The following CFAP20DC variants were observed in gnomAD, a reference collection of about 807,000 sequenced individuals.
The protein encoded by CFAP20DC is protein CFAP20DC.
A neutral mutation model predicts 101.7 loss-of-function variants in CFAP20DC; 84 were observed. The ratio of observed to expected loss-of-function variants is 0.83; its 90% confidence interval spans 0.69 to 0.99. CFAP20DC has a LOEUF of 0.99. Ranked by LOEUF, CFAP20DC falls within the 50% of genes least tolerant of loss-of-function variation. CFAP20DC has a pLI of 0.00. For synonymous variants in CFAP20DC, 359 were observed against 351.2 expected (o/e 1.02, Z -0.25); for missense variants, 1,007 against 970.3 (o/e 1.04, Z -0.50).
chr3:58,962,963 G>C (rs372469329), intron 4 of CFAP20DC, among the ~76,000 whole-genome samples: 49 of 152,056 alleles, frequency 3.2e-4, no homozygotes, highest in African/African-American at 1.1e-3. Flanking sequence ...GGCCAGCTGT[G>C]ATGTTGGCCT....
chr3:58,965,375 C>T (rs564932224), intron 4 of CFAP20DC, among the ~76,000 whole-genome samples: 38 of 152,194 alleles, frequency 2.5e-4, no homozygotes, highest in Admixed American at 7.2e-4. Context: ...AAAACATGAG[C>T]ATTTGGGGAT....
rs2084260283 is a variant in CFAP20DC, at chr3:58,912,545, T to C, written c.550+1163A>G. The C allele has an allele frequency of 3.0e-6, 1 of 336,858 alleles. No individual in the cohort carries two copies. Among genetic ancestry groups the C allele is most frequent in the Admixed American group, 4.0e-5 (1 of 24,736 alleles). The allele number at this position is 336,858 out of a possible 1,614,324, so 20.9% of individuals were successfully genotyped here. A position where few individuals can be genotyped will look rare whatever the true frequency, so the allele number is the denominator to read the frequency against. On this transcript the variant is annotated intron_variant, in intron 6 of 16. Coordinates refer to ENST00000482387, the MANE Select transcript of CFAP20DC (RefSeq NM_001394063.1). This position sits in a 1 kb window ranked among gnomAD's most constrained non-coding sequence, Gnocchi z 4.4. ...ATGGAGCACAAATCTGAAGTCTAGA[T>C]AGAAACTTCTAAGTAATCACCTTTG... is the stretch of plus-strand genomic sequence containing the variant.
chr3:58,922,661 C>T (rs750642892), intron 5 of CFAP20DC, among the ~76,000 whole-genome samples: 4 of 152,166 alleles, frequency 2.6e-5, no homozygotes, highest in Non-Finnish European at 4.4e-5. Flanking sequence ...CGAGGCTCTT[C>T]CCAGATTCAG....
chr3:58,913,543 A>G lies in CFAP20DC; in HGVS notation c.550+165T>C, dbSNP rs111639723. 4.4e-6 allele frequency: 3 copies of G among 675,878 alleles called. No homozygotes were observed. In the African/African-American group the frequency reaches 5.4e-5, roughly 12 times the overall value. The allele number at this position is 675,878 out of a possible 1,614,324, so 41.9% of individuals were successfully genotyped here. On this transcript the variant is annotated intron_variant, in intron 6 of 16. Transcript: ENST00000482387. This position sits in a 1 kb window ranked among gnomAD's most constrained non-coding sequence, Gnocchi z 4.4. ...TTTGTGACATTCAGCTATAGTAAAAATAAACATTTGATCTAGAACAAAGAA... is the reference window on the plus strand; with the variant it reads ...TTTGTGACATTCAGCTATAGTAAAAGTAAACATTTGATCTAGAACAAAGAA...
At chr3:58,936,164 C>G (rs2087570131) in intron 5 of CFAP20DC, among the ~76,000 whole-genome samples, 1 of 152,084 alleles carries the variant, frequency 6.6e-6, no homozygotes, top group Non-Finnish European at 1.5e-5. Context: ...CCAAAACACA[C>G]ATGAAAAAAT....
intron 14 of CFAP20DC, among the ~76,000 whole-genome samples, chr3:58,818,821 A>T (rs2075395854): frequency 7.8e-6 from 1 of 127,580 alleles, no homozygotes; most frequent in Admixed American, 8.3e-5. Flanking sequence ...TCTCCACCCC[A>T]AATCAACAGA....
At chr3:58,807,244 GA>G (rs1553671363) in intron 14 of CFAP20DC, among the ~76,000 whole-genome samples, 1 of 152,200 alleles carries the variant, frequency 6.6e-6, no homozygotes, top group Non-Finnish European at 1.5e-5. Context: ...GGAGATCTGA[GA>G]ATGGGCAGAC....
chr3:58,999,843 TAAAAAAAAA>T (rs565894929), intron 4 of CFAP20DC, among the ~76,000 whole-genome samples: 1 of 76,762 alleles, frequency 1.3e-5, no homozygotes, highest in Non-Finnish European at 2.8e-5. Flanking sequence ...GTCACTAATG[TAAAAAAAAA>T]AAAAAAAAAA....
At chr3:58,750,990 T>C (rs1474182763) in intron 16 of CFAP20DC, among the ~76,000 whole-genome samples, 1 of 152,054 alleles carries the variant, frequency 6.6e-6, no homozygotes, top group Non-Finnish European at 1.5e-5. Flanking sequence ...GGGGGGAAAA[T>C]TGAAAGTCAG....
chr3:58,752,645 T>C (rs1172335134), intron 16 of CFAP20DC, among the ~76,000 whole-genome samples: 1 of 152,136 alleles, frequency 6.6e-6, no homozygotes, highest in Admixed American at 6.6e-5. Flanking sequence ...TTTTCTGTCA[T>C]AAGTAATTAT....
At chr3:58,925,357 C>T (rs2085837117) in intron 5 of CFAP20DC, among the ~76,000 whole-genome samples, 1 of 152,134 alleles carries the variant, frequency 6.6e-6, no homozygotes, top group Non-Finnish European at 1.5e-5. Flanking sequence ...ACTTATAAGA[C>T]TAGTTTGGTG....
chr3:59,032,746 G>A (rs1168879684), intron 4 of CFAP20DC, among the ~76,000 whole-genome samples: 1 of 152,164 alleles, frequency 6.6e-6, no homozygotes, highest in Non-Finnish European at 1.5e-5. Context: ...GGAGCACCTG[G>A]GGGAAGGGGC....
chr3:58,736,140 T>A (rs2067749687), intron 3 of CFAP20DC, among the ~76,000 whole-genome samples: 1 of 152,122 alleles, frequency 6.6e-6, no homozygotes, highest in South Asian at 2.1e-4. Flanking sequence ...ATATCAAAAG[T>A]CAAAGAAAAC....
chr3:58,924,073 A>C (rs2085681655), intron 5 of CFAP20DC, among the ~76,000 whole-genome samples: 1 of 152,084 alleles, frequency 6.6e-6, no homozygotes, highest in Admixed American at 6.6e-5. Context: ...TCAGTTCTAG[A>C]ATGCAAAAAA....
chr3:58,902,848 T>C (rs1043021365), intron 6 of CFAP20DC, among the ~76,000 whole-genome samples: 6 of 152,180 alleles, frequency 3.9e-5, no homozygotes, highest in African/African-American at 9.7e-5. Context: ...TGCTAGGAAA[T>C]AGTTATACAC....
At chr3:58,963,774 C>T (rs1367928271) in intron 4 of CFAP20DC, among the ~76,000 whole-genome samples, 1 of 152,062 alleles carries the variant, frequency 6.6e-6, no homozygotes, top group Non-Finnish European at 1.5e-5. Flanking sequence ...AAATAAAATC[C>T]TAAGCCCCAG....
intron 4 of CFAP20DC, among the ~76,000 whole-genome samples, chr3:58,982,196 A>T (rs1229047547): frequency 6.6e-6 from 1 of 152,264 alleles, no homozygotes; most frequent in Non-Finnish European, 1.5e-5. Flanking sequence ...ATCATTAAAA[A>T]GTCAGGAAAC....
chr3:58,855,654 C>G (rs1424486766), intron 12 of CFAP20DC, among the ~76,000 whole-genome samples: 1 of 151,782 alleles, frequency 6.6e-6, no homozygotes, highest in African/African-American at 2.4e-5. Flanking sequence ...ACTATGCAGC[C>G]ATAAAAAATG....
rs979889252 is a variant in CFAP20DC at position 58,899,936 on chromosome 3, C to T, written c.550+13772G>A. On this transcript the variant is annotated intron_variant, in intron 6 of 16. Coordinates refer to ENST00000482387, the MANE Select transcript of CFAP20DC (RefSeq NM_001394063.1). The surrounding 1 kb of genome is among the most constrained non-coding windows in gnomAD (Gnocchi z 5.0). ...ATCAGCCATCCTGGCCCTCTCTCCC[C>T]ACAGATAATTCTTTAATTAAAATTT... is the stretch of plus-strand genomic sequence containing the variant. Among the ~76,000 whole-genome samples, 8 of 152,168 alleles carry T rather than the reference C, an allele frequency of 5.3e-5. No individual in the cohort carries two copies. Among genetic ancestry groups the T allele is most frequent in the African/African-American group, 1.9e-4 (8 of 41,430 alleles).
Sources: gnomAD v4.1 joint callset for allele counts (sites outside exome capture counted in the v4.1 genomes callset) on GRCh38, gnomAD v4.1.1 for gene constraint, Gnocchi (gnomAD v3.1) non-coding constraint, MANE v1.5 for transcripts, NCBI Gene and HGNC (gene_info 2026-07-23, HGNC 2026-07-21) for gene names.